DRD2: variants seen among roughly 807,000 people sequenced by gnomAD.
DRD2 encodes D(2) dopamine receptor.
DRD2 carries 8 observed loss-of-function variants against 38.0 expected under a neutral mutation model. The observed-to-expected ratio is 0.21, with a 90% confidence interval of 0.12 to 0.38. The LOEUF is 0.38. Ranked by LOEUF, DRD2 falls within the 10% of genes least tolerant of loss-of-function variation. The pLI is 1.00. For missense variants in DRD2, 403 were observed against 607.7 expected, an observed-to-expected ratio of 0.66 and a Z score of 3.54; for synonymous variants, 230 against 238.6, an observed-to-expected ratio of 0.96 and a Z score of 0.33.
At chr11:113,425,840 C>G (rs1591281733) in intron 1 of DRD2, among the ~76,000 whole-genome samples, 1 of 152,126 alleles carries the variant, frequency 6.6e-6, no homozygotes, top group Non-Finnish European at 1.5e-5. Context: ...GACATGGTAT[C>G]AAATCATCAA....
intron 1 of DRD2, chr11:113,424,891 A>C (rs1950925178): frequency 3.5e-6 from 2 of 576,934 alleles, no homozygotes; most frequent in Non-Finnish European, 6.2e-6. Flanking sequence ...GAGCAAACAC[A>C]ATTTTTTAAA....
At chr11:113,413,655 G>C (rs1421284040) in intron 6 of DRD2, among the ~76,000 whole-genome samples, 1 of 152,208 alleles carries the variant, frequency 6.6e-6, no homozygotes, top group Non-Finnish European at 1.5e-5. Flanking sequence ...TGCAGTGCAG[G>C]TGAAGGCAGG....
chr11:113,412,439 G>A, intron 7 of DRD2, 117 bp downstream of exon 7: 1 of 1,287,200 alleles, frequency 7.8e-7, no homozygotes, highest in Non-Finnish European at 1.1e-6. Context: ...CAATGGGCTT[G>A]GCCTGTGCCT....
At chr11:113,470,382 G>A (rs1032022796) in intron 1 of DRD2, among the ~76,000 whole-genome samples, 15 of 152,130 alleles carry the variant, frequency 9.9e-5, no homozygotes, top group African/African-American at 2.9e-4. Context: ...TGTGCTGAGC[G>A]ACAGCTTCCT....
At chr11:113,414,792 A>G (rs1757305178) in intron 5 of DRD2, among the ~76,000 whole-genome samples, 1 of 152,218 alleles carries the variant, frequency 6.6e-6, no homozygotes, top group Non-Finnish European at 1.5e-5. Flanking sequence ...ACAGATGAGG[A>G]AACAGGCTCA....
rs767338366 is a variant in DRD2 at position 113,424,622 on chromosome 11, A to G, written c.30T>C (p.Asp10=). 2 of 1,614,176 alleles carry G rather than the reference A, an allele frequency of 1.2e-6. No individual in the cohort carries two copies. Among genetic ancestry groups the G allele is most frequent in the Non-Finnish European group, 1.7e-6 (2 of 1,180,034 alleles). ...TCCAGTTCTGCCTCTCCAGATCATC[A>G]TCATACCAGGACAGATTCAGTGGAT... The part of the protein sequence containing the change: MDPLNLSWY[D]DDLERQNWSR... The change falls in exon 2 of 8, where the codon GAT becomes GAC. Residue 10 remains aspartate (D), a synonymous_variant. Coordinates refer to ENST00000362072, the MANE Select transcript of DRD2 (RefSeq NM_000795.4).
In DRD2 at chr11:113,410,640, C is replaced by A. The variant is rs1457824454; in HGVS notation, c.*87G>T. 8 of 1,554,424 alleles carry A rather than the reference C, an allele frequency of 5.1e-6. No homozygotes were observed. The highest frequency in any genetic ancestry group is 7.1e-6 in the Non-Finnish European group (8 of 1,128,350). ...TGAAGAGGAGGCCGATCCACCCAGG[C>A]CTTCCTGCTCACGGTTCGCAAGGGT... On this transcript the variant is annotated 3_prime_UTR_variant, in exon 8 of 8. Transcript: ENST00000362072.
At chr11:113,430,091 T>A (rs1950972887) in intron 1 of DRD2, among the ~76,000 whole-genome samples, 1 of 152,192 alleles carries the variant, frequency 6.6e-6, no homozygotes, top group Non-Finnish European at 1.5e-5. Flanking sequence ...CTGCCTCCTA[T>A]GGCCCATCCT....
At chr11:113,448,839 C>T (rs1951182027) in intron 1 of DRD2, among the ~76,000 whole-genome samples, 1 of 152,142 alleles carries the variant, frequency 6.6e-6, no homozygotes, top group Non-Finnish European at 1.5e-5. Context: ...GGCCCACAGA[C>T]CCAGGCAGGA....
chr11:113,411,025 T>C, intron 7 of DRD2, 105 bp from the exon 8 acceptor site: 1 of 1,276,922 alleles, frequency 7.8e-7, no homozygotes. Context: ...CGGTGGGCTG[T>C]AGCCACAGAA....
At chr11:113,455,678 T>C (rs191127060) in intron 1 of DRD2, among the ~76,000 whole-genome samples, 1 of 152,302 alleles carries the variant, frequency 6.6e-6, no homozygotes, top group African/African-American at 2.4e-5. Flanking sequence ...ACATATATTT[T>C]TTAAAAATGC....
intron 1 of DRD2, among the ~76,000 whole-genome samples, chr11:113,441,202 C>G (rs2119855826): frequency 6.6e-6 from 1 of 152,342 alleles, no homozygotes; most frequent in East Asian, 1.9e-4. Context: ...CCATAAGCCC[C>G]AACTTATGGG....
chr11:113,439,117 G>A (rs146440332), intron 1 of DRD2, among the ~76,000 whole-genome samples: 324 of 152,332 alleles, frequency 2.1e-3, no homozygotes, highest in Middle Eastern at 6.8e-3. Flanking sequence ...CATGTAGTTG[G>A]TGGTATTTCT....
intron 1 of DRD2, among the ~76,000 whole-genome samples, chr11:113,436,171 G>A (rs4587762): frequency 0.42 from 64,465 of 151,950 alleles, 16,838 homozygotes; most frequent in Non-Finnish European, 0.6. Flanking sequence ...TGGGACTTGA[G>A]GACTCCCACA....
rs1050193002 is a variant in DRD2 at position 113,412,798 on chromosome 11, G to A, written c.896C>T (p.Pro299Leu). The change falls in exon 7 of 8, where the codon CCA (proline) becomes CTA (leucine). Residue 299 changes from proline to leucine, a missense_variant. Physicochemically the swap from Pro to Leu is moderately conservative, Grantham distance 98. This residue lies in a region of DRD2 where 166 missense variants were observed against 178.6 expected (regional missense o/e 0.93). Coordinates refer to ENST00000362072, the MANE Select transcript of DRD2 (RefSeq NM_000795.4). ...GAGAGTCAGCTGGTGGTGGCTGGGT[G>A]GGATGGGGCTGTACCGGGTCCTCTC... is the stretch of plus-strand genomic sequence containing the variant. ...PPERTRYSPIPPSHHQLTLPD... is the reference protein window; with the variant it reads ...PPERTRYSPILPSHHQLTLPD... 6.2e-7 allele frequency: 1 copy of A among 1,613,878 alleles called. No homozygotes were observed. The highest frequency in any genetic ancestry group is 1.3e-5 in the African/African-American group (1 of 74,896).
intron 2 of DRD2, among the ~76,000 whole-genome samples, chr11:113,423,661 G>A (rs1389582174): frequency 6.6e-6 from 1 of 152,210 alleles, no homozygotes; most frequent in Non-Finnish European, 1.5e-5. Context: ...CAATGCACCA[G>A]GCACAGTGTC....
intron 1 of DRD2, among the ~76,000 whole-genome samples, chr11:113,442,189 A>AG (rs1951101473): frequency 6.6e-6 from 1 of 152,182 alleles, no homozygotes; most frequent in Non-Finnish European, 1.5e-5. Context: ...AAGCCAAGGC[A>AG]GAGATCCCTC....
intron 1 of DRD2, among the ~76,000 whole-genome samples, chr11:113,429,337 T>A (rs1432617850): frequency 1.3e-5 from 2 of 152,112 alleles, no homozygotes; most frequent in Admixed American, 6.5e-5. Context: ...CTCCGCCTCC[T>A]GGATTCACGC....
intron 1 of DRD2, among the ~76,000 whole-genome samples, chr11:113,448,407 C>G (rs901999342): frequency 3.9e-5 from 6 of 152,316 alleles, no homozygotes; most frequent in African/African-American, 1.4e-4. Flanking sequence ...AACTCCCTGG[C>G]TATTCTTGGA....
Sources: allele counts gnomAD v4.1 joint callset (sites outside exome capture counted in the v4.1 genomes callset), GRCh38; gene constraint gnomAD v4.1.1; regional missense constraint gnomAD v4.1.1; transcripts MANE v1.5; gene names NCBI Gene and HGNC (gene_info 2026-07-23, HGNC 2026-07-21).